The following ADAMTSL3 variants were observed in gnomAD, a reference collection of about 807,000 sequenced individuals.
ADAMTSL3 encodes ADAMTS like 3.
A neutral mutation model predicts 201.7 loss-of-function variants in ADAMTSL3; 128 were observed. The ratio of observed to expected loss-of-function variants is 0.63; its 90% CI spans 0.55 to 0.73. The LOEUF (loss-of-function observed/expected upper bound fraction) is 0.73, where lower values mean the gene tolerates loss of function less well. Among genes scored for constraint, ADAMTSL3 ranks in the 30% least tolerant of loss-of-function variants. The probability of loss-of-function intolerance (pLI) is 0.00; values close to 1 mark genes in which losing one functional copy is unlikely to be tolerated. For missense variants in ADAMTSL3, 1,990 were observed against 2,119.6 expected (o/e 0.94, Z 1.20); for synonymous variants, 738 against 748.4 (o/e 0.99, Z 0.23).
At chr15:84,014,901 C>T (rs541497522) in intron 24 of ADAMTSL3, among the ~76,000 whole-genome samples, 177 bp downstream of exon 24, 9 of 152,066 alleles carry the variant, frequency 5.9e-5, no homozygotes, top group Non-Finnish European at 1.2e-4. Context: ...TTTACCACCC[C>T]GTATTCCCAG....
At chr15:83,980,441 C>T (rs949898571) in intron 20 of ADAMTSL3, among the ~76,000 whole-genome samples, 1 of 152,092 alleles carries the variant, frequency 6.6e-6, no homozygotes, top group African/African-American at 2.4e-5. Context: ...GTCTTCCATA[C>T]ATGTTTTTCA....
At chr15:83,800,717 C>T (rs889606240) in intron 4 of ADAMTSL3, among the ~76,000 whole-genome samples, 9 of 152,132 alleles carry the variant, frequency 5.9e-5, no homozygotes, top group Non-Finnish European at 1.0e-4. Flanking sequence ...CTGTGACTCT[C>T]TAATTTGCTT....
At chr15:83,806,037 C>T (rs2063597992) in intron 5 of ADAMTSL3, among the ~76,000 whole-genome samples, 1 of 152,224 alleles carries the variant, frequency 6.6e-6, no homozygotes, top group African/African-American at 2.4e-5. Context: ...CACTGCCCAC[C>T]TCCCATGACC....
chr15:83,971,112 A>G (rs1302563873), intron 20 of ADAMTSL3, among the ~76,000 whole-genome samples: 1 of 152,242 alleles, frequency 6.6e-6, no homozygotes, highest in African/African-American at 2.4e-5. Flanking sequence ...GGCAGTTTGT[A>G]CACCTCAATT....
intron 23 of ADAMTSL3, among the ~76,000 whole-genome samples, chr15:84,001,196 C>T (rs749316217): frequency 2.6e-5 from 4 of 152,132 alleles, no homozygotes; most frequent in Non-Finnish European, 5.9e-5. Context: ...CATTTAGCAA[C>T]GGATGCGTCA....
At position 83,898,139 on chromosome 15, in the gene ADAMTSL3, C is replaced by CAA. The variant is rs2065653530; in HGVS notation, c.1615+134_1615+135insAA. On this transcript the variant is annotated intron_variant, in intron 14 of 29. Coordinates refer to ENST00000286744, the MANE Select transcript of ADAMTSL3 (RefSeq NM_207517.3). ...TATTGACAGATTGCAATAGACCTTCCCATCTAGATAAAGAAGTTAGATATA... is the reference window on the plus strand; with the variant it reads ...TATTGACAGATTGCAATAGACCTTCCAACATCTAGATAAAGAAGTTAGATATA... 34 of 979,804 alleles carry CAA rather than the reference C, an allele frequency of 3.5e-5. No individual in the cohort carries two copies. The East Asian group carries it at 8.7e-4, about 25-fold the overall frequency. The allele number at this position is 979,804 out of a possible 1,614,324, so 60.7% of individuals were successfully genotyped here.
intron 6 of ADAMTSL3, among the ~76,000 whole-genome samples, chr15:83,829,962 T>C (rs2064118767): frequency 6.6e-6 from 1 of 152,208 alleles, no homozygotes; most frequent in South Asian, 2.1e-4. Context: ...TGGTCAATTT[T>C]GTAATAAGTG....
At chr15:83,922,396 G>C (rs781554288) in intron 16 of ADAMTSL3, among the ~76,000 whole-genome samples, 1 of 152,084 alleles carries the variant, frequency 6.6e-6, no homozygotes, top group Non-Finnish European at 1.5e-5. Flanking sequence ...TTCAGAAAAT[G>C]TTCCAAAATA....
intron 2 of ADAMTSL3, among the ~76,000 whole-genome samples, chr15:83,695,353 G>A (rs954121608): frequency 8.2e-5 from 12 of 146,902 alleles, no homozygotes; most frequent in Non-Finnish European, 1.8e-4. Flanking sequence ...AAGGAGGAGT[G>A]GTGCTATGAA....
At chr15:84,007,144 T>A (rs755407907) in intron 23 of ADAMTSL3, among the ~76,000 whole-genome samples, 7 of 152,256 alleles carry the variant, frequency 4.6e-5, no homozygotes, top group Non-Finnish European at 8.8e-5. Flanking sequence ...ACATTTTCTT[T>A]TGGAATGTAA....
intron 19 of ADAMTSL3, among the ~76,000 whole-genome samples, chr15:83,960,012 A>T (rs1291288666): frequency 6.6e-6 from 1 of 152,212 alleles, no homozygotes; most frequent in Non-Finnish European, 1.5e-5. Flanking sequence ...CTCACATAGT[A>T]GTTTAATAAA....
intron 16 of ADAMTSL3, among the ~76,000 whole-genome samples, chr15:83,923,590 A>G (rs1033280311): frequency 6.6e-6 from 1 of 152,228 alleles, no homozygotes; most frequent in Non-Finnish European, 1.5e-5. Context: ...AGCTTTGAGT[A>G]CATTTGGAAT....
chr15:83,980,762 G>C (rs1202152904), intron 20 of ADAMTSL3, among the ~76,000 whole-genome samples: 3 of 152,090 alleles, frequency 2.0e-5, no homozygotes, highest in Non-Finnish European at 4.4e-5. Flanking sequence ...AGAAATTATG[G>C]GTTCACCTCC....
intron 3 of ADAMTSL3, among the ~76,000 whole-genome samples, chr15:83,732,755 A>G (rs1004836332): frequency 6.6e-6 from 1 of 152,144 alleles, no homozygotes; most frequent in Admixed American, 6.6e-5. Flanking sequence ...TTATCTTTCT[A>G]CCTCATACAC....
At chr15:83,769,564 A>T (rs904300223) in intron 3 of ADAMTSL3, among the ~76,000 whole-genome samples, 4 of 152,174 alleles carry the variant, frequency 2.6e-5, no homozygotes, top group Non-Finnish European at 5.9e-5. Flanking sequence ...CAGTCACCAG[A>T]TATTTATCCT....
intron 4 of ADAMTSL3, among the ~76,000 whole-genome samples, chr15:83,781,537 G>T (rs2063168357): frequency 6.6e-6 from 1 of 152,134 alleles, no homozygotes; most frequent in Non-Finnish European, 1.5e-5. Context: ...ATGGACATTG[G>T]AATGGGCAAA....
Position 83,988,713 on chromosome 15 carries a change from AAGATAC to A in ADAMTSL3, c.3749_3754del (p.Ile1250_Gln1251del), listed in dbSNP as rs1381694778. 3 of 1,607,064 alleles carry A rather than the reference AAGATAC, an allele frequency of 1.9e-6. No homozygotes were observed. The highest frequency in any genetic ancestry group is 2.6e-6 in the Non-Finnish European group (3 of 1,176,262). ...CAGAATAATTTTGGATGGAACTGGG[AAGATAC>A]AGATACAGAATCCTACAAGGAAAGA... On this transcript the variant is annotated inframe_deletion, in exon 22 of 30. Transcript: ENST00000286744.
intron 3 of ADAMTSL3, among the ~76,000 whole-genome samples, chr15:83,752,025 G>A (rs1018442142): frequency 1.3e-5 from 2 of 152,194 alleles, no homozygotes; most frequent in East Asian, 3.8e-4. Context: ...TTTATTATGA[G>A]AAACAATACA....
chr15:83,740,383 C>T (rs1440916328), intron 3 of ADAMTSL3, among the ~76,000 whole-genome samples: 5 of 152,264 alleles, frequency 3.3e-5, no homozygotes, highest in African/African-American at 1.2e-4. Flanking sequence ...CAAATCTATC[C>T]ATTTGGAATT....
Sources: gnomAD v4.1 joint callset for allele counts (sites outside exome capture counted in the v4.1 genomes callset) on GRCh38, gnomAD v4.1.1 for gene constraint, MANE v1.5 for transcripts, NCBI Gene and HGNC (gene_info 2026-07-23, HGNC 2026-07-21) for gene names.